KLK10: variants seen among roughly 807,000 people sequenced by gnomAD.
The protein encoded by KLK10 is kallikrein-10.
KLK10 carries 27 observed loss-of-function variants against 25.7 expected under a neutral mutation model. The ratio of observed to expected loss-of-function variants is 1.05; its 90% CI spans 0.77 to 1.45. The LOEUF (loss-of-function observed/expected upper bound fraction) is 1.45, where lower values mean the gene tolerates loss of function less well. Among genes scored for constraint, KLK10 ranks in the 40% most tolerant of loss-of-function variants. The pLI is 0.00. For missense variants in KLK10, 386 were observed against 370.0 expected, an observed-to-expected ratio of 1.04 and a Z score of -0.35; for synonymous variants, 173 against 160.1, an observed-to-expected ratio of 1.08 and a Z score of -0.61.
chr19:51,019,081 A>G lies in KLK10; in HGVS notation c.50T>C (p.Leu17Pro). 3 of 1,607,592 alleles carry G rather than the reference A, an allele frequency of 1.9e-6. No homozygotes were observed. The South Asian group carries it at 3.3e-5, about 18-fold the overall frequency. The change falls in exon 2 of 6, where the codon CTG becomes CCG. Residue 17 changes from leucine to proline, a missense_variant. By Grantham distance (98) the Leu-to-Pro change is moderately conservative. Coordinates refer to ENST00000358789, the MANE Select transcript of KLK10 (RefSeq NM_145888.3). The surrounding 1 kb of genome is among the most constrained non-coding windows in gnomAD (Gnocchi z 4.2). ...CATCAGCAGCGGCAGCAGCTTCGCCAGAGCCCGGGCGCCAGAGGCGGCGGA... is the reference window on the plus strand; with the variant it reads ...CATCAGCAGCGGCAGCAGCTTCGCCGGAGCCCGGGCGCCAGAGGCGGCGGA... ...HLSAASGARA[L>P]AKLLPLLMAQ...
At chr19:51,016,239 T>G in intron 3 of KLK10, 83 bp from the exon 4 acceptor site, 1 of 1,417,088 alleles carries the variant, frequency 7.1e-7, no homozygotes, top group Non-Finnish European at 9.3e-7. Flanking sequence ...GGCCTGGAGA[T>G]AGGAAGAGTC....
chr19:51,015,074 G>C, intron 5 of KLK10, 122 bp from the exon 6 acceptor site: 2 of 856,868 alleles, frequency 2.3e-6, no homozygotes, highest in Non-Finnish European at 3.6e-6. Flanking sequence ...GATGGGATGG[G>C]GTTGGAATTA....
At position 51,019,177 on chromosome 19, in the gene KLK10, C is replaced by G; in HGVS notation, c.-9-38G>C. 1.4e-6 allele frequency: 2 copies of G among 1,426,886 alleles called. No homozygotes were observed. The highest frequency in any genetic ancestry group is 2.8e-5 in the African/African-American group (2 of 71,056). The allele number at this position is 1,426,886 out of a possible 1,614,324, so 88.4% of individuals were successfully genotyped here. A position where few individuals can be genotyped will look rare whatever the true frequency, so the allele number is the denominator to read the frequency against. ...GTGCAGGGGCGGGTTAAAACAGATG[C>G]TCCGTTAGAGACCCCCACCTCGCCG... is the stretch of plus-strand genomic sequence containing the variant. On this transcript the variant is annotated intron_variant, in intron 1 of 5. Transcript: ENST00000358789. This position sits in a 1 kb window ranked among gnomAD's most constrained non-coding sequence, Gnocchi z 4.2.
At position 51,012,769 on chromosome 19, in the gene KLK10, TAAAA is replaced by T. The variant is rs11343599; in HGVS notation, c.*2027_*2030del. 1 of 149,814 alleles carries T rather than the reference TAAAA, an allele frequency of 6.7e-6. No individual in the cohort carries two copies. Among genetic ancestry groups the T allele is most frequent in the Non-Finnish European group, 1.5e-5 (1 of 67,278 alleles). The allele number at this position is 149,814 out of a possible 1,614,324, so 9.3% of individuals were successfully genotyped here. A position where few individuals can be genotyped will look rare whatever the true frequency, so the allele number is the denominator to read the frequency against. On this transcript the variant is annotated 3_prime_UTR_variant, in exon 6 of 6. Transcript: ENST00000358789. ...TAATTTCAGGTATAATAGGTGCTAT[TAAAA>T]AAAAAAACAAACAAACAAAAAACAG...
In KLK10 at chr19:51,015,345, G is replaced by A. The variant is rs1339260030; in HGVS notation, c.678+72C>T. 1.9e-6 allele frequency: 3 copies of A among 1,542,466 alleles called. No homozygotes were observed. The African/African-American group carries it at 4.1e-5, about 21-fold the overall frequency. ...GAATGGAGTTGGGGATCGGGCACAG[G>A]GTCTGCTCTTTTCCCATAACCTCCC... On this transcript the variant is annotated intron_variant, in intron 5 of 5. Coordinates refer to ENST00000358789, the MANE Select transcript of KLK10 (RefSeq NM_145888.3).
At chr19:51,015,691 C>G in intron 4 of KLK10, 141 bp from the exon 5 acceptor site, 1 of 1,149,788 alleles carries the variant, frequency 8.7e-7, no homozygotes, top group Non-Finnish European at 1.2e-6. Flanking sequence ...AGCCCCTCCC[C>G]ACTTAGACCC....
intron 2 of KLK10, chr19:51,018,666 T>C (rs921538112): frequency 3.4e-5 from 8 of 233,836 alleles, no homozygotes; most frequent in East Asian, 2.8e-4. Context: ...ATCGCGTCAC[T>C]GCACTCCAGC....
rs759506166 is a variant in KLK10, at chr19:51,019,226, A to T, written c.-9-87T>A. ...CGCGCTCATCCGCCCAGCCTGGGCC[A>T]CCCCAGCCCGCAAGCACCCTTTTGA... On this transcript the variant is annotated intron_variant, in intron 1 of 5. Transcript: ENST00000358789. The surrounding 1 kb of genome is among the most constrained non-coding windows in gnomAD (Gnocchi z 4.2). The T allele has an allele frequency of 4.7e-5, 42 of 898,608 alleles. No individual in the cohort carries two copies. The highest frequency in any genetic ancestry group is 2.9e-4 in the Middle Eastern group (1 of 3,422). 55.7% of individuals were successfully genotyped at this position (898,608 alleles called of 1,614,324 possible).
Position 51,019,399 on chromosome 19 carries a change from T to C in KLK10, c.-10+228A>G, listed in dbSNP as rs2091379200. Among the ~76,000 whole-genome samples, 1 of 152,180 alleles carries C rather than the reference T, an allele frequency of 6.6e-6. No homozygotes were observed. The highest frequency in any genetic ancestry group is 2.1e-4 in the South Asian group (1 of 4,824). On this transcript the variant is annotated intron_variant, in intron 1 of 5. Coordinates refer to ENST00000358789, the MANE Select transcript of KLK10 (RefSeq NM_145888.3). The surrounding 1 kb of genome is among the most constrained non-coding windows in gnomAD (Gnocchi z 4.2). Reference sequence around the variant, plus strand: ...AGCGCTCTCCGCGCCCCAGCTACCCTGGCTGCAGCCACGCCGCGCCCGAGG... The same window carrying C: ...AGCGCTCTCCGCGCCCCAGCTACCCCGGCTGCAGCCACGCCGCGCCCGAGG...
Position 51,017,200 on chromosome 19 carries a change from T to G in KLK10, c.179A>C (p.Gln60Pro), listed in dbSNP as rs759604287. 1 of 1,612,236 alleles carries G rather than the reference T, an allele frequency of 6.2e-7. No individual in the cohort carries two copies. Among genetic ancestry groups the G allele is most frequent in the East Asian group, 2.2e-5 (1 of 44,842 alleles). The change falls in exon 3 of 6, where the codon CAG (glutamine) becomes CCG (proline). Residue 60 changes from glutamine to proline, a missense_variant. Gln to Pro is a moderately conservative substitution (Grantham distance 76). Transcript: ENST00000358789. ...CGAGAGGCCGTTGAAGAGCGAGACCTGCCAGGGCTGCGAGCCGCGCGCGCA... is the reference window on the plus strand; with the variant it reads ...CGAGAGGCCGTTGAAGAGCGAGACCGGCCAGGGCTGCGAGCCGCGCGCGCA... ...SPCARGSQPW[Q>P]VSLFNGLSFH...
In KLK10 at chr19:51,015,976, C is replaced by T. The variant is rs1228273367; in HGVS notation, c.450G>A (p.Gly150=). The T allele has an allele frequency of 3.8e-6, 6 of 1,579,184 alleles. No homozygotes were observed. The Admixed American group carries it at 5.6e-5, about 15-fold the overall frequency. The change falls in exon 4 of 6, where the codon GGG becomes GGA. Residue 150 remains glycine (G), a synonymous_variant. Coordinates refer to ENST00000358789, the MANE Select transcript of KLK10 (RefSeq NM_145888.3). ...LLKLARPVVL[G]PRVRALQLPY... is the part of the protein sequence containing the mutation. ...GAAGCTGCAGGGCCCGGACGCGGGG[C>T]CCCAGCACTACGGGCCTGGCCAGCT...
chr19:51,015,330 G>A (rs1337882437), intron 5 of KLK10, 87 bp downstream of exon 5: 14 of 1,456,948 alleles, frequency 9.6e-6, no homozygotes, highest in Non-Finnish European at 1.9e-6. Flanking sequence ...GAATGGAGTT[G>A]GGGATCGGGC....
At chr19:51,017,873 C>A (rs2122459906) in intron 2 of KLK10, among the ~76,000 whole-genome samples, 1 of 151,682 alleles carries the variant, frequency 6.6e-6, no homozygotes, top group South Asian at 2.1e-4. Flanking sequence ...CGGAGGCATG[C>A]GCCTGTAGTC....
chr19:51,016,188 C>T, intron 3 of KLK10, 32 bp from the exon 4 acceptor site: 1 of 1,528,722 alleles, frequency 6.5e-7, no homozygotes, highest in Non-Finnish European at 8.8e-7. Context: ...TGAAGGCAAA[C>T]CCTTCATAGG....
chr19:51,017,092 G>C lies in KLK10; in HGVS notation c.269+18C>G, dbSNP rs766549518. The C allele has an allele frequency of 6.4e-7, 1 of 1,568,442 alleles. No homozygotes were observed. Among genetic ancestry groups the C allele is most frequent in the South Asian group, 1.2e-5 (1 of 85,094 alleles). ...CCACAGCCCCCCGTGGCGTCCTCGG[G>C]GATGGATCTCCTCCTACTTGTTTCC... is the stretch of plus-strand genomic sequence containing the variant. On this transcript the variant is annotated intron_variant, in intron 3 of 5. Transcript: ENST00000358789.
intron 3 of KLK10, 64 bp downstream of exon 3, chr19:51,017,046 G>T (rs760344083): frequency 1.1e-4 from 162 of 1,434,100 alleles, no homozygotes; most frequent in Middle Eastern, 2.6e-4. Context: ...CGCCCTGCCC[G>T]CTCCTCCCTG....
At position 51,015,870 on chromosome 19, in the gene KLK10, C is replaced by T. The variant is rs1217960519; in HGVS notation, c.544+12G>A. ...CCTCCTGAGGTTCCGGCCTCAGAGC[C>T]CCAGCTCTTGCCTCTCCGGGCGGCC... is the stretch of plus-strand genomic sequence containing the variant. On this transcript the variant is annotated intron_variant, in intron 4 of 5. Coordinates refer to ENST00000358789, the MANE Select transcript of KLK10 (RefSeq NM_145888.3). 1.3e-6 allele frequency: 2 copies of T among 1,521,100 alleles called. No homozygotes were observed. The highest frequency in any genetic ancestry group is 1.4e-5 in the African/African-American group (1 of 73,476). The allele number at this position is 1,521,100 out of a possible 1,614,324, so 94.2% of individuals were successfully genotyped here.
At position 51,016,056 on chromosome 19, in the gene KLK10, C is replaced by T. The variant is rs760972602; in HGVS notation, c.370G>A (p.Gly124Ser). Residue 124 changes from glycine to serine, a missense_variant, in exon 4 of 6, where the codon GGC becomes AGC. Coordinates refer to ENST00000358789, the MANE Select transcript of KLK10 (RefSeq NM_145888.3). Reference sequence around the variant, plus strand: ...CGCCTTGGCAGGATGGGGCCTGAGCCCTGGTGGTACTTGGGATGGACAACA... The same window carrying T: ...CGCCTTGGCAGGATGGGGCCTGAGCTCTGGTGGTACTTGGGATGGACAACA... ...RSVVHPKYHQ[G>S]SGPILPRRTD... The T allele has an allele frequency of 3.2e-6, 5 of 1,569,046 alleles. No homozygotes were observed. In the Admixed American group the frequency reaches 7.6e-5, roughly 24 times the overall value.
At chr19:51,016,562 CTT>C (rs549681904) in intron 3 of KLK10, among the ~76,000 whole-genome samples, 5 of 139,588 alleles carry the variant, frequency 3.6e-5, no homozygotes, top group Admixed American at 7.1e-5. Context: ...CACACCCAGC[CTT>C]TTTTTTTTTT....
Sources: allele counts gnomAD v4.1 joint callset (sites outside exome capture counted in the v4.1 genomes callset), GRCh38; gene constraint gnomAD v4.1.1; non-coding constraint Gnocchi (gnomAD v3.1); transcripts MANE v1.5; gene names NCBI Gene and HGNC (gene_info 2026-07-23, HGNC 2026-07-21).